TCERG1L: variants seen among roughly 807,000 people sequenced by gnomAD.
The protein encoded by TCERG1L is transcription elongation regulator 1 like.
TCERG1L carries 37 observed loss-of-function variants against 56.3 expected under a neutral mutation model. The observed-to-expected ratio is 0.66, with a 90% CI of 0.51 to 0.87. The LOEUF is 0.87. Among genes scored for constraint, TCERG1L ranks in the 40% least tolerant of loss-of-function variants. The pLI, the probability that TCERG1L is intolerant of heterozygous loss-of-function variation, is 0.00. For synonymous variants in TCERG1L, 324 were observed against 326.3 expected, an observed-to-expected ratio of 0.99 and a Z score of 0.08; for missense variants, 799 against 774.2, an observed-to-expected ratio of 1.03 and a Z score of -0.38.
At chr10:131,150,016 T>C (rs1438542785) in intron 6 of TCERG1L, among the ~76,000 whole-genome samples, 1 of 152,240 alleles carries the variant, frequency 6.6e-6, no homozygotes, top group Non-Finnish European at 1.5e-5. Flanking sequence ...TGGGATGTTT[T>C]TTCATGATGT....
intron 7 of TCERG1L, among the ~76,000 whole-genome samples, chr10:131,136,494 G>A (rs973516202): frequency 4.6e-5 from 7 of 151,938 alleles, no homozygotes; most frequent in African/African-American, 1.2e-4. Context: ...GCAGTGCCTC[G>A]CCCAGGCCCG....
chr10:131,303,457 A>C (rs571604132), intron 3 of TCERG1L, among the ~76,000 whole-genome samples: 1 of 152,110 alleles, frequency 6.6e-6, no homozygotes, highest in African/African-American at 2.4e-5. Context: ...TCCTTCACCC[A>C]CTTTGTAATG....
Position 131,283,355 on chromosome 10 carries a change from G to T in TCERG1L, c.671-22911C>A, listed in dbSNP as rs114265330. Among the ~76,000 whole-genome samples the T allele has an allele frequency of 6.6e-3, 1,007 of 152,324 alleles. 9 individuals carry two copies. The highest frequency in any genetic ancestry group is 0.023 in the African/African-American group (949 of 41,562). On this transcript the variant is annotated intron_variant, in intron 3 of 11. Transcript: ENST00000368642. ...TGAAACAGAAGCTTTGCCTTCACGG[G>T]GGACTGGTCTGCTCCTGGGTTGATG...
Position 131,249,745 on chromosome 10 carries a change from G to A in TCERG1L, c.856+10514C>T, listed in dbSNP as rs556025056. Among the ~76,000 whole-genome samples, 19 of 152,200 alleles carry A rather than the reference G, an allele frequency of 1.2e-4. No homozygotes were observed. In the East Asian group the frequency reaches 1.6e-3, roughly 12 times the overall value. On this transcript the variant is annotated intron_variant, in intron 4 of 11. Coordinates refer to ENST00000368642, the MANE Select transcript of TCERG1L (RefSeq NM_174937.4). The stretch of plus-strand genomic sequence containing the variant: ...ACCTGGCTGGGCGCTCCATGGGTAC[G>A]ACGGCCACACTCGCTGGCTCACGCA...
At chr10:131,254,302 AATATATAT>A (rs57689050) in intron 4 of TCERG1L, among the ~76,000 whole-genome samples, 1 of 142,804 alleles carries the variant, frequency 7.0e-6, no homozygotes, top group African/African-American at 2.7e-5. Context: ...ACTGGATTTA[AATATATAT>A]ATATATATAT....
intron 4 of TCERG1L, among the ~76,000 whole-genome samples, chr10:131,194,146 G>A (rs1469827338): frequency 6.6e-6 from 1 of 152,256 alleles, no homozygotes; most frequent in African/African-American, 2.4e-5. Context: ...CAGTGGGAAT[G>A]CGTGTCTTCA....
chr10:131,174,237 G>A (rs1403849933), intron 4 of TCERG1L, among the ~76,000 whole-genome samples: 7 of 152,202 alleles, frequency 4.6e-5, no homozygotes, highest in African/African-American at 1.7e-4. Flanking sequence ...TGCCAGCACT[G>A]GGGCAGGAGG....
At chr10:131,277,638 G>A (rs1182303351) in intron 3 of TCERG1L, among the ~76,000 whole-genome samples, 2 of 152,214 alleles carry the variant, frequency 1.3e-5, no homozygotes, top group African/African-American at 4.8e-5. Flanking sequence ...CCAGGGACAA[G>A]CTAACAGAAA....
intron 4 of TCERG1L, among the ~76,000 whole-genome samples, chr10:131,179,456 T>C (rs533912344): frequency 1.3e-5 from 2 of 152,332 alleles, no homozygotes; most frequent in East Asian, 1.9e-4. Flanking sequence ...GAGGCTGGTC[T>C]GCAGAACACA....
chr10:131,303,314 C>T (rs904156584), intron 3 of TCERG1L, among the ~76,000 whole-genome samples: 1 of 152,056 alleles, frequency 6.6e-6, no homozygotes. Context: ...TTAATGATCG[C>T]CATTCTAACT....
intron 7 of TCERG1L, among the ~76,000 whole-genome samples, chr10:131,140,222 C>G (rs1845720537): frequency 6.6e-6 from 1 of 152,134 alleles, no homozygotes; most frequent in Admixed American, 6.5e-5. Flanking sequence ...CTGGCTGGAC[C>G]TGCTGGTGGA....
Position 131,311,459 on chromosome 10 carries a change from G to T in TCERG1L, c.177C>A (p.Pro59=). The T allele has an allele frequency of 1.7e-6, 2 of 1,181,236 alleles. No individual in the cohort carries two copies. The highest frequency in any genetic ancestry group is 4.0e-5 in the South Asian group (1 of 24,794). The allele number at this position is 1,181,236 out of a possible 1,614,324, so 73.2% of individuals were successfully genotyped here. A position where few individuals can be genotyped will look rare whatever the true frequency, so the allele number is the denominator to read the frequency against. The change falls in exon 1 of 12, where the codon CCC becomes CCA. Residue 59 remains proline, a synonymous_variant. Coordinates refer to ENST00000368642, the MANE Select transcript of TCERG1L (RefSeq NM_174937.4). This position sits in a 1 kb window ranked among gnomAD's most constrained non-coding sequence, Gnocchi z 4.0. ...LLRLSAGVVV[P]PVLLASAPPP... is the part of the protein sequence containing the mutation. ...GCGGGGCCGAGGCGAGCAGCACCGG[G>T]GGAACCACGACCCCCGCGCTGAGCC...
At chr10:131,226,041 G>T (rs2133503162) in intron 4 of TCERG1L, among the ~76,000 whole-genome samples, 1 of 152,236 alleles carries the variant, frequency 6.6e-6, no homozygotes, top group African/African-American at 2.4e-5. Flanking sequence ...GGGCTCAAGT[G>T]ATCCTCCAGC....
rs1845812062 is a variant in TCERG1L at position 131,147,513 on chromosome 10, AC to A, written c.1035-854del. Among the ~76,000 whole-genome samples, 3 of 152,198 alleles carry A rather than the reference AC, an allele frequency of 2.0e-5. No homozygotes were observed. In the South Asian group the frequency reaches 6.2e-4, roughly 32 times the overall value. ...AAGGCCGGCCGGGGCTCTGGGTTTA[AC>A]CCCTAAGTCGTGTCAGGGTGCTATT... On this transcript the variant is annotated intron_variant, in intron 6 of 11. Coordinates refer to ENST00000368642, the MANE Select transcript of TCERG1L (RefSeq NM_174937.4).
intron 4 of TCERG1L, among the ~76,000 whole-genome samples, chr10:131,251,869 C>T (rs1564826118): frequency 6.6e-6 from 1 of 152,194 alleles, no homozygotes; most frequent in Non-Finnish European, 1.5e-5. Context: ...CCAGCCGTCA[C>T]CACCATCCAC....
intron 4 of TCERG1L, among the ~76,000 whole-genome samples, chr10:131,185,896 T>C (rs576266434): frequency 6.6e-6 from 1 of 152,214 alleles, no homozygotes; most frequent in African/African-American, 2.4e-5. Flanking sequence ...TTCAGATCAA[T>C]ACTTTTAAAC....
At chr10:131,171,296 C>G (rs955846157) in intron 4 of TCERG1L, among the ~76,000 whole-genome samples, 1 of 152,140 alleles carries the variant, frequency 6.6e-6, no homozygotes, top group Non-Finnish European at 1.5e-5. Flanking sequence ...CGCCCTGTTT[C>G]CCTGAAAGAA....
intron 4 of TCERG1L, among the ~76,000 whole-genome samples, chr10:131,200,813 T>C (rs1052716865): frequency 4.5e-4 from 69 of 152,220 alleles, no homozygotes; most frequent in Middle Eastern, 3.4e-3. Context: ...AATTTAGAAG[T>C]TAAAACTTAA....
At chr10:131,304,142 T>C (rs567472688) in intron 3 of TCERG1L, among the ~76,000 whole-genome samples, 3 of 152,160 alleles carry the variant, frequency 2.0e-5, no homozygotes. Flanking sequence ...GGCTCTTTGA[T>C]CTTAAGCTGG....
Sources: gnomAD v4.1 joint callset for allele counts (sites outside exome capture counted in the v4.1 genomes callset) on GRCh38, gnomAD v4.1.1 for gene constraint, Gnocchi (gnomAD v3.1) non-coding constraint, MANE v1.5 for transcripts, NCBI Gene and HGNC (gene_info 2026-07-23, HGNC 2026-07-21) for gene names.